The following ADAMTS12 variants were observed in gnomAD, a reference collection of about 807,000 sequenced individuals.
The protein encoded by ADAMTS12 is A disintegrin and metalloproteinase with thrombospondin motifs 12.
ADAMTS12 carries 118 observed loss-of-function variants against 167.8 expected under a neutral mutation model. That is an observed-to-expected ratio of 0.70 (90% CI 0.61 to 0.82). The LOEUF (loss-of-function observed/expected upper bound fraction) is 0.82, where lower values mean the gene tolerates loss of function less well. ADAMTS12 is among the 40% of genes least tolerant of loss of function. ADAMTS12 has a pLI of 0.00. For synonymous variants in ADAMTS12, 704 were observed against 716.9 expected, an observed-to-expected ratio of 0.98 and a Z score of 0.29; for missense variants, 1,916 against 1,998.8, an observed-to-expected ratio of 0.96 and a Z score of 0.79.
chr5:33,535,091 A>C, intron 22 of ADAMTS12, 99 bp from the exon 23 acceptor site: 4 of 1,274,770 alleles, frequency 3.1e-6, no homozygotes, highest in Non-Finnish European at 4.2e-6. Context: ...AAGAATGGAA[A>C]CATCTCAATA....
intron 19 of ADAMTS12, among the ~76,000 whole-genome samples, chr5:33,565,951 A>G (rs1716428304): frequency 6.6e-6 from 1 of 152,176 alleles, no homozygotes; most frequent in Admixed American, 6.5e-5. Flanking sequence ...AAATAATTAA[A>G]ACACATTTAA....
intron 18 of ADAMTS12, among the ~76,000 whole-genome samples, chr5:33,578,154 G>T (rs1464472367): frequency 6.6e-6 from 1 of 152,180 alleles, no homozygotes; most frequent in Non-Finnish European, 1.5e-5. Context: ...CCACCCAGGG[G>T]TCTTCACTGG....
chr5:33,709,398 G>A (rs1232838662), intron 3 of ADAMTS12, among the ~76,000 whole-genome samples: 1 of 152,142 alleles, frequency 6.6e-6, no homozygotes, highest in South Asian at 2.1e-4. Context: ...AAAGATACAT[G>A]CACACATATG....
intron 2 of ADAMTS12, among the ~76,000 whole-genome samples, chr5:33,766,869 C>G (rs1299660531): frequency 1.3e-5 from 2 of 152,166 alleles, no homozygotes; most frequent in East Asian, 3.8e-4. Context: ...AGGACTGCAT[C>G]TGTCTTTCAG....
Position 33,833,423 on chromosome 5 carries a change from T to TTG in ADAMTS12, c.489+47694_489+47695dup, listed in dbSNP as rs577335752. Among the ~76,000 whole-genome samples, 312 of 152,242 alleles carry TTG rather than the reference T, an allele frequency of 2.0e-3. 2 individuals are homozygous for TTG. Among genetic ancestry groups the TTG allele is most frequent in the African/African-American group, 7.2e-3 (300 of 41,496 alleles). Reference sequence around the variant, plus strand: ...GCCTCTTCAGGGGAGCTCAGGGACTTTGTCATTTATATCAGCTCTCTTTTC... The same window carrying TTG: ...GCCTCTTCAGGGGAGCTCAGGGACTTTGTGTCATTTATATCAGCTCTCTTTTC... On this transcript the variant is annotated intron_variant, in intron 2 of 23. Coordinates refer to ENST00000504830, the MANE Select transcript of ADAMTS12 (RefSeq NM_030955.4).
chr5:33,591,085 T>A (rs902505756), intron 17 of ADAMTS12, among the ~76,000 whole-genome samples: 30 of 120,238 alleles, frequency 2.5e-4, no homozygotes, highest in African/African-American at 6.8e-4. Context: ...TGTCTAAGTG[T>A]GTGTGTGTGT....
At chr5:33,585,141 A>G (rs915340234) in intron 18 of ADAMTS12, among the ~76,000 whole-genome samples, 4 of 152,202 alleles carry the variant, frequency 2.6e-5, no homozygotes, top group South Asian at 2.1e-4. Flanking sequence ...CATTGGAGCC[A>G]TGATTAAAAA....
chr5:33,641,982 C>A, intron 10 of ADAMTS12, 27 bp from the exon 11 acceptor site: 1 of 1,586,004 alleles, frequency 6.3e-7, no homozygotes, highest in Non-Finnish European at 8.6e-7. Flanking sequence ...CAGGAGATGG[C>A]CGTATCAGGA....
intron 22 of ADAMTS12, among the ~76,000 whole-genome samples, chr5:33,543,398 G>C (rs1432604402): frequency 6.6e-6 from 1 of 152,130 alleles, no homozygotes; most frequent in Non-Finnish European, 1.5e-5. Context: ...AAAAGTCCAG[G>C]ACCAGAAGGA....
chr5:33,691,962 T>G (rs1002209005), intron 3 of ADAMTS12, among the ~76,000 whole-genome samples: 1 of 152,238 alleles, frequency 6.6e-6, no homozygotes, highest in Admixed American at 6.5e-5. Context: ...TCAGTGTCCC[T>G]ACCCCACTGG....
At chr5:33,822,764 A>G (rs1445400872) in intron 2 of ADAMTS12, among the ~76,000 whole-genome samples, 10 of 152,172 alleles carry the variant, frequency 6.6e-5, no homozygotes, top group African/African-American at 2.4e-4. Context: ...ATGATTCTAA[A>G]GAAAAATAAA....
intron 2 of ADAMTS12, among the ~76,000 whole-genome samples, chr5:33,806,054 T>G (rs1451112766): frequency 6.6e-6 from 1 of 152,234 alleles, no homozygotes; most frequent in African/African-American, 2.4e-5. Context: ...AGATACTTTT[T>G]TACAATTTCA....
At chr5:33,567,801 C>T (rs1458673218) in intron 19 of ADAMTS12, among the ~76,000 whole-genome samples, 1 of 152,160 alleles carries the variant, frequency 6.6e-6, no homozygotes, top group Non-Finnish European at 1.5e-5. Context: ...CACCACATAA[C>T]TGGCATTATT....
At chr5:33,545,819 CT>C (rs1388270650) in intron 22 of ADAMTS12, among the ~76,000 whole-genome samples, 5 of 142,040 alleles carry the variant, frequency 3.5e-5, no homozygotes, top group Admixed American at 2.9e-4. Flanking sequence ...AATGAGAACC[CT>C]TGGACACAGG....
rs1579783898 is a variant in ADAMTS12, at chr5:33,637,692, G to A, written c.1773C>T (p.Cys591=). ...CCTCTGAGCGACAGGGGTGGACGTT[G>A]CACAAGCGATAGCGTTTTCTTTCTC... ...CTGERKRYRL[C]NVHPCRSEAP... The change falls in exon 12 of 24, where the codon TGC becomes TGT. Residue 591 remains cysteine (C), a synonymous_variant. Coordinates refer to ENST00000504830, the MANE Select transcript of ADAMTS12 (RefSeq NM_030955.4). The A allele has an allele frequency of 1.2e-6, 2 of 1,613,706 alleles. No individual in the cohort carries two copies. The highest frequency in any genetic ancestry group is 1.7e-6 in the Non-Finnish European group (2 of 1,179,702).
chr5:33,613,560 G>T (rs763299585), intron 16 of ADAMTS12, among the ~76,000 whole-genome samples: 11 of 152,152 alleles, frequency 7.2e-5, no homozygotes, highest in Non-Finnish European at 1.5e-4. Context: ...CTTTCCTTAC[G>T]GGGCAAGCTG....
chr5:33,757,842 G>A (rs1021396324), intron 2 of ADAMTS12, among the ~76,000 whole-genome samples: 3 of 152,174 alleles, frequency 2.0e-5, no homozygotes, highest in African/African-American at 7.2e-5. Context: ...TACGTAAAAT[G>A]TCTAGCAGAG....
intron 2 of ADAMTS12, among the ~76,000 whole-genome samples, chr5:33,781,284 C>T (rs1256803983): frequency 2.6e-5 from 4 of 151,918 alleles, no homozygotes; most frequent in Admixed American, 6.6e-5. Flanking sequence ...TATATATACA[C>T]GCATATCTTA....
At chr5:33,810,767 C>T (rs1465493556) in intron 2 of ADAMTS12, among the ~76,000 whole-genome samples, 1 of 152,192 alleles carries the variant, frequency 6.6e-6, no homozygotes, top group Non-Finnish European at 1.5e-5. Flanking sequence ...TCTCAGGACT[C>T]AGAATAAAGC....
Sources: allele counts gnomAD v4.1 joint callset (sites outside exome capture counted in the v4.1 genomes callset), GRCh38; gene constraint gnomAD v4.1.1; transcripts MANE v1.5; gene names NCBI Gene and HGNC (gene_info 2026-07-23, HGNC 2026-07-21).